Variants in BCL11A observed in about 807,000 individuals in gnomAD.
BCL11A encodes BCL11 transcription factor A.
BCL11A carries 2 observed loss-of-function variants against 55.9 expected under a neutral mutation model. The observed-to-expected ratio is 0.04, with a 90% confidence interval of 0.01 to 0.11. BCL11A has a LOEUF of 0.11. BCL11A is among the 10% of genes least tolerant of loss of function. The probability of loss-of-function intolerance (pLI) is 1.00; values close to 1 mark genes in which losing one functional copy is unlikely to be tolerated. For synonymous variants in BCL11A, 465 were observed against 473.4 expected (o/e 0.98, Z 0.23); for missense variants, 817 against 1,137.1 (o/e 0.72, Z 4.05).
intron 1 of BCL11A, among the ~76,000 whole-genome samples, chr2:60,549,062 AG>A (rs1670276473): frequency 6.6e-6 from 1 of 152,232 alleles, no homozygotes; most frequent in Non-Finnish European, 1.5e-5. Flanking sequence ...GCTACAAAGC[AG>A]GGAGTCCTCG....
rs148699996 is a variant in BCL11A at position 60,460,977 on chromosome 2, G to T, written c.1935C>A (p.Pro645=). The T allele has an allele frequency of 6.2e-7, 1 of 1,610,018 alleles. No individual in the cohort carries two copies. ...TCTCCGTGTTGGGCATCGCGGCCGG[G>T]GGCAGGTCGAACTCCTTCTCGAGCT... ...RIKLEKEFDL[P]PAAMPNTENV... The change falls in exon 4 of 4, where the codon CCC becomes CCA. Residue 645 remains proline, a synonymous_variant. Transcript: ENST00000642384.
chr2:60,457,512 A>T lies in BCL11A; in HGVS notation c.*2892T>A. On this transcript the variant is annotated 3_prime_UTR_variant, in exon 4 of 4. Coordinates refer to ENST00000642384, the MANE Select transcript of BCL11A (RefSeq NM_022893.4). ...GACAAACAGCTTTCATTACAGGAATAGAAAAGGCCAATAACAAAATATTCT... is the reference window on the plus strand; with the variant it reads ...GACAAACAGCTTTCATTACAGGAATTGAAAAGGCCAATAACAAAATATTCT... The T allele has an allele frequency of 9.6e-7, 1 of 1,045,680 alleles. No individual in the cohort carries two copies. Among genetic ancestry groups the T allele is most frequent in the Non-Finnish European group, 1.2e-6 (1 of 866,498 alleles). The allele number at this position is 1,045,680 out of a possible 1,614,324, so 64.8% of individuals were successfully genotyped here. A position where few individuals can be genotyped will look rare whatever the true frequency, so the allele number is the denominator to read the frequency against.
rs78333237 is a variant in BCL11A, at chr2:60,489,245, C to T, written c.386-20412G>A. ...GAGCCAGTCAACACTAGCCCACATG[C>T]CAATGGGGTCCTTGTCAGTCACTTA... On this transcript the variant is annotated intron_variant, in intron 2 of 3. Transcript: ENST00000642384. 2.6e-3 allele frequency among the ~76,000 whole-genome samples: 390 copies of T among 152,316 alleles called. 2 individuals are homozygous for T. The highest frequency in any genetic ancestry group is 8.9e-3 in the African/African-American group (371 of 41,558).
intron 2 of BCL11A, among the ~76,000 whole-genome samples, chr2:60,473,520 C>G (rs1417400824): frequency 1.3e-5 from 2 of 152,128 alleles, no homozygotes; most frequent in African/African-American, 4.8e-5. Context: ...TGTAAAGTAC[C>G]CTGAAGGAAC....
In BCL11A at chr2:60,458,852, T is replaced by C. The variant is rs1251388949; in HGVS notation, c.*1552A>G. On this transcript the variant is annotated 3_prime_UTR_variant, in exon 4 of 4. Transcript: ENST00000642384. Reference sequence around the variant, plus strand: ...CCAACTGGGGCAGATGCTAGCTTAATAAAAAAGAAAAAATTAAAAAAATAA... The same window carrying C: ...CCAACTGGGGCAGATGCTAGCTTAACAAAAAAGAAAAAATTAAAAAAATAA... 1 of 1,026,526 alleles carries C rather than the reference T, an allele frequency of 9.7e-7. No individual in the cohort carries two copies. Among genetic ancestry groups the C allele is most frequent in the Non-Finnish European group, 1.2e-6 (1 of 852,850 alleles). The allele number at this position is 1,026,526 out of a possible 1,614,324, so 63.6% of individuals were successfully genotyped here.
intron 2 of BCL11A, 99 bp from the exon 3 acceptor site, chr2:60,468,932 A>C: frequency 1.4e-6 from 1 of 735,292 alleles, no homozygotes. Flanking sequence ...AGATTACAAC[A>C]TCATTACAAC....
intron 2 of BCL11A, 28 bp from the exon 3 acceptor site, chr2:60,468,861 T>C (rs751892867): frequency 7.0e-7 from 1 of 1,433,008 alleles, no homozygotes; most frequent in Admixed American, 1.8e-5. Context: ...AATCAAGCAC[T>C]ACAGCTACAA....
chr2:60,489,408 C>G (rs1330602812), intron 2 of BCL11A, among the ~76,000 whole-genome samples: 1 of 152,198 alleles, frequency 6.6e-6, no homozygotes, highest in Non-Finnish European at 1.5e-5. Flanking sequence ...CTAAAGCCAC[C>G]AAGTCTCCTA....
intron 2 of BCL11A, among the ~76,000 whole-genome samples, chr2:60,532,402 GTTTTTTGT>G (rs1166013367): frequency 1.4e-5 from 2 of 142,824 alleles, no homozygotes; most frequent in African/African-American, 5.2e-5. Flanking sequence ...GTTTTGCTTT[GTTTTTTGT>G]TTTTTTGTTT....
intron 2 of BCL11A, among the ~76,000 whole-genome samples, chr2:60,477,395 T>C (rs563013893): frequency 1.3e-5 from 2 of 152,196 alleles, no homozygotes; most frequent in Non-Finnish European, 2.9e-5. Flanking sequence ...TGCCTCTATA[T>C]TATCATTTCG....
At chr2:60,516,244 G>C (rs1668723711) in intron 2 of BCL11A, among the ~76,000 whole-genome samples, 1 of 152,124 alleles carries the variant, frequency 6.6e-6, no homozygotes, top group Admixed American at 6.5e-5. Context: ...TGTGCACTTA[G>C]GTTTTGTTGT....
chr2:60,517,741 A>C (rs2104531112), intron 2 of BCL11A, among the ~76,000 whole-genome samples: 1 of 152,338 alleles, frequency 6.6e-6, no homozygotes, highest in South Asian at 2.1e-4. Flanking sequence ...AGACTCTGGC[A>C]CTCACTCCCC....
chr2:60,526,382 C>A (rs1669202897), intron 2 of BCL11A: 1 of 152,220 alleles, frequency 6.6e-6, no homozygotes, highest in African/African-American at 2.4e-5. Flanking sequence ...AACAAAGCAG[C>A]ATATGTTTAT....
At chr2:60,468,616 A>G in intron 3 of BCL11A, 116 bp downstream of exon 3, 2 of 737,828 alleles carry the variant, frequency 2.7e-6, no homozygotes, top group Non-Finnish European at 4.6e-6. Flanking sequence ...GGAATAATAC[A>G]TATGACAATC....
At chr2:60,507,529 T>G (rs1269906189) in intron 2 of BCL11A, among the ~76,000 whole-genome samples, 1 of 152,098 alleles carries the variant, frequency 6.6e-6, no homozygotes. Context: ...CATTTTCAGA[T>G]GTTTTGGAGT....
chr2:60,452,359 T>G, downstream of BCL11A: 1 of 497,108 alleles, frequency 2.0e-6, no homozygotes. Flanking sequence ...ACTGTTCCAA[T>G]GTGGGTCTGT....
downstream of BCL11A, among the ~76,000 whole-genome samples, chr2:60,456,805 G>C (rs554623650): frequency 3.3e-5 from 5 of 152,194 alleles, no homozygotes; most frequent in South Asian, 1.0e-3. Context: ...GCAAGGATGG[G>C]AGAATAGAAA....
chr2:60,530,489 C>T (rs1280372660), intron 2 of BCL11A, among the ~76,000 whole-genome samples: 4 of 152,014 alleles, frequency 2.6e-5, no homozygotes, highest in Non-Finnish European at 5.9e-5. Flanking sequence ...GGCGTTATCA[C>T]AACTTTTTTT....
At position 60,458,645 on chromosome 2, in the gene BCL11A, G is replaced by A. The variant is rs1012129963; in HGVS notation, c.*1759C>T. On this transcript the variant is annotated 3_prime_UTR_variant, in exon 4 of 4. Coordinates refer to ENST00000642384, the MANE Select transcript of BCL11A (RefSeq NM_022893.4). ...TTAAAAAATGCTCCTCAATGAGATT[G>A]TGTTCAATTTTTTTTCAGCATTCTT... 2 of 1,029,880 alleles carry A rather than the reference G, an allele frequency of 1.9e-6. No homozygotes were observed. Among genetic ancestry groups the A allele is most frequent in the Admixed American group, 1.2e-4 (2 of 17,380 alleles). The allele number at this position is 1,029,880 out of a possible 1,614,324, so 63.8% of individuals were successfully genotyped here.
Sources: allele counts gnomAD v4.1 joint callset (sites outside exome capture counted in the v4.1 genomes callset), GRCh38; gene constraint gnomAD v4.1.1; transcripts MANE v1.5; gene names NCBI Gene and HGNC (gene_info 2026-07-23, HGNC 2026-07-21).